DUSP10: variants seen among roughly 807,000 people sequenced by gnomAD.
DUSP10 encodes dual specificity phosphatase 10.
DUSP10 carries 14 observed loss-of-function variants against 30.8 expected under a neutral mutation model. The ratio of observed to expected loss-of-function variants is 0.46; its 90% CI spans 0.30 to 0.71. The LOEUF is 0.71. DUSP10 is among the 30% of genes least tolerant of loss of function. DUSP10 has a pLI of 0.08. For missense variants in DUSP10, 550 were observed against 619.4 expected (o/e 0.89, Z 1.19); for synonymous variants, 254 against 250.4 (o/e 1.01, Z -0.14).
At chr1:221,736,178 T>C (rs1223349235) in intron 2 of DUSP10, among the ~76,000 whole-genome samples, 1 of 152,116 alleles carries the variant, frequency 6.6e-6, no homozygotes, top group Non-Finnish European at 1.5e-5. Context: ...GCCGCTCTAC[T>C]TGACAGACAG....
intron 2 of DUSP10, among the ~76,000 whole-genome samples, chr1:221,714,583 C>G (rs571115147): frequency 6.6e-6 from 1 of 152,098 alleles, no homozygotes; most frequent in Non-Finnish European, 1.5e-5. Flanking sequence ...AAACCTCACA[C>G]CTGATCAAAC....
chr1:221,712,651 AG>A (rs1660973098), intron 2 of DUSP10, among the ~76,000 whole-genome samples: 1 of 152,114 alleles, frequency 6.6e-6, no homozygotes, highest in Non-Finnish European at 1.5e-5. Context: ...TCTTTTAGGA[AG>A]ATATATCTAA....
At position 221,733,376 on chromosome 1, in the gene DUSP10, C is replaced by T. The variant is rs115710850; in HGVS notation, c.811+5558G>A. Among the ~76,000 whole-genome samples, 447 of 152,330 alleles carry T rather than the reference C, an allele frequency of 2.9e-3. 1 individual carries two copies. The highest frequency in any genetic ancestry group is 0.01 in the African/African-American group (425 of 41,578). On this transcript the variant is annotated intron_variant, in intron 2 of 3. Coordinates refer to ENST00000366899, the MANE Select transcript of DUSP10 (RefSeq NM_007207.6). ...TGCTTTACCTATTCAGTTTCCTTCC[C>T]CTGCTTTGCTTTTCTAATGTGAAAT...
chr1:221,724,006 A>G (rs998638885), intron 2 of DUSP10, among the ~76,000 whole-genome samples: 2 of 152,254 alleles, frequency 1.3e-5, no homozygotes, highest in Admixed American at 6.5e-5. Flanking sequence ...TCGCATTAAC[A>G]TAAACACAGG....
intron 2 of DUSP10, among the ~76,000 whole-genome samples, chr1:221,712,034 G>C (rs545495853): frequency 6.6e-6 from 1 of 152,160 alleles, no homozygotes; most frequent in Non-Finnish European, 1.5e-5. Context: ...AACATGTGGG[G>C]TGGTGGTGGG....
intron 2 of DUSP10, among the ~76,000 whole-genome samples, chr1:221,709,033 G>GA (rs1189888985): frequency 2.0e-5 from 3 of 147,386 alleles, no homozygotes; most frequent in Non-Finnish European, 4.5e-5. Context: ...ACACATGCTA[G>GA]AAAACCCCAC....
chr1:221,722,950 A>G (rs1169086070), intron 2 of DUSP10, among the ~76,000 whole-genome samples: 2 of 152,150 alleles, frequency 1.3e-5, no homozygotes, highest in African/African-American at 4.8e-5. Flanking sequence ...GAAATGTAAT[A>G]GGACATACCA....
At chr1:221,734,216 A>T (rs1442901698) in intron 2 of DUSP10, among the ~76,000 whole-genome samples, 1 of 152,246 alleles carries the variant, frequency 6.6e-6, no homozygotes, top group African/African-American at 2.4e-5. Flanking sequence ...TTGTTATGGG[A>T]CATTATTTGG....
At chr1:221,704,600 C>T (rs1660703107) in intron 3 of DUSP10, among the ~76,000 whole-genome samples, 1 of 152,220 alleles carries the variant, frequency 6.6e-6, no homozygotes, top group South Asian at 2.1e-4. Flanking sequence ...AGTATCTCTG[C>T]ATCCTCAGTG....
chr1:221,731,126 T>A (rs1470703612), intron 2 of DUSP10, among the ~76,000 whole-genome samples: 1 of 152,210 alleles, frequency 6.6e-6, no homozygotes, highest in Non-Finnish European at 1.5e-5. Context: ...AATAGAAACA[T>A]AATCAATGAA....
intron 2 of DUSP10, among the ~76,000 whole-genome samples, chr1:221,710,866 T>G (rs190304530): frequency 9.3e-4 from 142 of 152,218 alleles, no homozygotes; most frequent in African/African-American, 3.1e-3. Context: ...CTAACTTCCT[T>G]ATGTGCACAA....
intron 2 of DUSP10, among the ~76,000 whole-genome samples, chr1:221,734,675 T>C (rs560236185): frequency 4.6e-4 from 70 of 152,236 alleles, no homozygotes; most frequent in Admixed American, 1.6e-3. Context: ...CAAGGGCACA[T>C]ACCTAGTTAG....
intron 3 of DUSP10, among the ~76,000 whole-genome samples, chr1:221,704,985 C>T (rs1660712131): frequency 6.6e-6 from 1 of 152,024 alleles, no homozygotes; most frequent in African/African-American, 2.4e-5. Context: ...GGAATAACAA[C>T]CTGCTGTAAT....
chr1:221,737,427 T>C, intron 2 of DUSP10: 1 of 985,218 alleles, frequency 1.0e-6, no homozygotes, highest in Non-Finnish European at 1.2e-6. Flanking sequence ...GCAGGGTAAA[T>C]ATCCTGGGAA....
intron 2 of DUSP10, among the ~76,000 whole-genome samples, chr1:221,728,018 T>A (rs1022064577): frequency 6.6e-6 from 1 of 152,214 alleles, no homozygotes; most frequent in South Asian, 2.1e-4. Flanking sequence ...AGACCATAAT[T>A]GCATGGCCAT....
intron 3 of DUSP10, among the ~76,000 whole-genome samples, chr1:221,705,409 C>A (rs186906156): frequency 6.6e-6 from 1 of 152,134 alleles, no homozygotes; most frequent in Admixed American, 6.5e-5. Flanking sequence ...CCGCGCCCGG[C>A]GATATTTTGA....
chr1:221,734,078 C>T (rs964675442), intron 2 of DUSP10, among the ~76,000 whole-genome samples: 5 of 152,286 alleles, frequency 3.3e-5, no homozygotes, highest in Admixed American at 6.5e-5. Flanking sequence ...ACCCTAGGCT[C>T]AGGAACCAGC....
At chr1:221,704,740 T>G (rs866679064) in intron 3 of DUSP10, among the ~76,000 whole-genome samples, 4 of 152,296 alleles carry the variant, frequency 2.6e-5, no homozygotes, top group African/African-American at 9.6e-5. Context: ...CCTATGACCT[T>G]GAAGAAGTCA....
chr1:221,740,373 T>G (rs998243988), intron 1 of DUSP10, among the ~76,000 whole-genome samples: 3 of 152,250 alleles, frequency 2.0e-5, no homozygotes, highest in Non-Finnish European at 1.5e-5. Flanking sequence ...TATTCTTGCC[T>G]TCCATTCTCT....
Sources: allele counts gnomAD v4.1 joint callset (sites outside exome capture counted in the v4.1 genomes callset), GRCh38; gene constraint gnomAD v4.1.1; transcripts MANE v1.5; gene names NCBI Gene and HGNC (gene_info 2026-07-23, HGNC 2026-07-21).